The following USP40 variants were observed in gnomAD, a reference collection of about 807,000 sequenced individuals.
USP40 encodes ubiquitin specific peptidase 40, also known as ubiquitin carboxyl-terminal hydrolase 40.
Under a neutral mutation model 166.2 loss-of-function variants are expected in USP40, and 143 were observed. The ratio of observed to expected loss-of-function variants is 0.86; its 90% CI spans 0.75 to 0.99. The LOEUF (loss-of-function observed/expected upper bound fraction) is 0.99, where lower values mean the gene tolerates loss of function less well. Ranked by LOEUF, USP40 falls within the 50% of genes least tolerant of loss-of-function variation. The pLI is 0.00. For synonymous variants in USP40, 498 were observed against 524.0 expected (o/e 0.95, Z 0.68); for missense variants, 1,444 against 1,479.7 (o/e 0.98, Z 0.40).
Position 233,477,122 on chromosome 2 carries a change from T to C in USP40, c.*270A>G. 2.1e-6 allele frequency: 1 copy of C among 473,892 alleles called. No individual in the cohort carries two copies. The highest frequency in any genetic ancestry group is 3.9e-6 in the Non-Finnish European group (1 of 256,852). 29.4% of individuals were successfully genotyped at this position (473,892 alleles called of 1,614,324 possible). On this transcript the variant is annotated 3_prime_UTR_variant, in exon 32 of 32. Transcript: ENST00000678225. ...TGGTTAAAAGAAAAAAAAAGGCAGCTGGGGCCGGGTGCTGTGTGAGAGAGC... is the reference window on the plus strand; with the variant it reads ...TGGTTAAAAGAAAAAAAAAGGCAGCCGGGGCCGGGTGCTGTGTGAGAGAGC...
At chr2:233,523,934 C>A (rs547362256) in intron 15 of USP40, among the ~76,000 whole-genome samples, 1 of 152,126 alleles carries the variant, frequency 6.6e-6, no homozygotes, top group African/African-American at 2.4e-5. Flanking sequence ...GTTCTTCACA[C>A]GACGAGGGCC....
chr2:233,481,583 C>T, intron 30 of USP40: 1 of 439,412 alleles, frequency 2.3e-6, no homozygotes, highest in Non-Finnish European at 4.1e-6. Flanking sequence ...TAAAGGGCTA[C>T]CAGGCAACAT....
chr2:233,494,924 A>ATATATATATATATATATATATATT (rs2065593577), intron 24 of USP40, among the ~76,000 whole-genome samples: 1 of 30,272 alleles, frequency 3.3e-5, no homozygotes, highest in African/African-American at 2.9e-4. Context: ...GCATATATAT[A>ATATATATATATATATATATATATT]TATATATATA....
chr2:233,562,900 G>A (rs1225517568), intron 2 of USP40, 97 bp from the exon 3 acceptor site: 8 of 857,304 alleles, frequency 9.3e-6, no homozygotes, highest in Non-Finnish European at 1.2e-5. Flanking sequence ...AAATCAAGTA[G>A]ATTCAGAAAT....
At chr2:233,522,099 T>C (rs1056724825) in intron 16 of USP40, among the ~76,000 whole-genome samples, 5 of 152,182 alleles carry the variant, frequency 3.3e-5, no homozygotes, top group Non-Finnish European at 7.3e-5. Context: ...TAATGTCACA[T>C]AGATTACTAT....
rs532079676 is a variant in USP40, at chr2:233,527,353, C to T, written c.1725+54G>A. On this transcript the variant is annotated intron_variant, in intron 13 of 31. Coordinates refer to ENST00000678225, the MANE Select transcript of USP40 (RefSeq NM_001365479.2). ...TCCTAAACAGAATGAAATGGAGAGT[C>T]TAGCTGGAGATGGTGCTCGATGTCT... The T allele has an allele frequency of 5.7e-5, 89 of 1,570,584 alleles. 1 individual carries two copies. The South Asian group carries it at 9.6e-4, about 17-fold the overall frequency.
At chr2:233,559,958 TC>T (rs1483022448) in intron 3 of USP40, 34 bp from the exon 4 acceptor site, 1 of 1,504,908 alleles carries the variant, frequency 6.6e-7, no homozygotes, top group Non-Finnish European at 9.1e-7. Flanking sequence ...CTAAATGAAT[TC>T]TTTAAGTGTT....
intron 21 of USP40, among the ~76,000 whole-genome samples, chr2:233,509,499 TA>T (rs1324741454): frequency 6.6e-6 from 1 of 152,072 alleles, no homozygotes; most frequent in East Asian, 1.9e-4. Flanking sequence ...ATTTCTATAA[TA>T]AAAAACTATT....
chr2:233,551,815 C>T (rs1485532028), intron 6 of USP40, among the ~76,000 whole-genome samples: 2 of 152,182 alleles, frequency 1.3e-5, no homozygotes, highest in East Asian at 3.8e-4. Context: ...AATTTCTGGC[C>T]TTTCACCTTC....
rs1324803901 is a variant in USP40, at chr2:233,488,306, T to C, written c.3132-2A>G. 6.3e-7 allele frequency: 1 copy of C among 1,590,474 alleles called. No homozygotes were observed. The stretch of plus-strand genomic sequence containing the variant: ...ATTCTCCGTCCTAGTTTATATTCCC[T>C]GATAATAAGTGAAACAAGATAATAT... On this transcript the variant is annotated splice_acceptor_variant, in intron 27 of 31. Transcript: ENST00000678225. LOFTEE classifies it high-confidence loss of function.
At chr2:233,546,773 T>C (rs1048536696) in intron 8 of USP40, 7 of 152,100 alleles carry the variant, frequency 4.6e-5, no homozygotes, top group African/African-American at 1.7e-4. Flanking sequence ...TTTGATAAGA[T>C]AAGGGGAGTT....
chr2:233,528,444 G>A (rs1051246817), intron 12 of USP40, among the ~76,000 whole-genome samples: 5 of 152,192 alleles, frequency 3.3e-5, no homozygotes, highest in African/African-American at 1.2e-4. Context: ...GAGCTGGAAT[G>A]AGGCTTATCA....
Position 233,524,515 on chromosome 2 carries a change from T to C in USP40, c.1858A>G (p.Ile620Val). ...ACCTCCACCCCATTCCACACAAAGA[T>C]GTCTTCCCCATCAGCAATTTCAGTT... The part of the protein sequence containing the change: ...CETEIADGED[I>V]FVWNGVEVGG... The change falls in exon 15 of 32, where the codon ATC becomes GTC. Residue 620 changes from isoleucine to valine, a missense_variant. Ile to Val is a conservative substitution (Grantham distance 29). Transcript: ENST00000678225. 6.2e-7 allele frequency: 1 copy of C among 1,607,404 alleles called. No individual in the cohort carries two copies.
Position 233,533,672 on chromosome 2 carries a change from G to C in USP40, c.1278C>G (p.Asp426Glu). 4 of 1,613,628 alleles carry C rather than the reference G, an allele frequency of 2.5e-6. No individual in the cohort carries two copies. Among genetic ancestry groups the C allele is most frequent in the Non-Finnish European group, 2.5e-6 (3 of 1,179,782 alleles). ...LQAESDFQRN[D>E]QQIFKMLPPE... ...GAGGAAGCATCTTGAAAATTTGCTGGTCATTCCTTTGGAAATCAGACTCAG... is the reference window on the plus strand; with the variant it reads ...GAGGAAGCATCTTGAAAATTTGCTGCTCATTCCTTTGGAAATCAGACTCAG... The change falls in exon 11 of 32, where the codon GAC (aspartate) becomes GAG (glutamate). Residue 426 changes from aspartate to glutamate, a missense_variant. Asp to Glu is a conservative substitution (Grantham distance 45). Coordinates refer to ENST00000678225, the MANE Select transcript of USP40 (RefSeq NM_001365479.2).
intron 21 of USP40, among the ~76,000 whole-genome samples, chr2:233,502,173 C>A (rs2066116540): frequency 6.6e-6 from 1 of 152,112 alleles, no homozygotes; most frequent in Non-Finnish European, 1.5e-5. Context: ...CAACGGAGTA[C>A]AGAAAGGAAG....
chr2:233,524,617 C>T (rs1183324856), intron 14 of USP40, 55 bp from the exon 15 acceptor site: 1 of 1,352,398 alleles, frequency 7.4e-7, no homozygotes, highest in African/African-American at 1.5e-5. Context: ...AACAACTGAG[C>T]TAAAGAAAGA....
At chr2:233,529,968 T>G (rs1209726752) in intron 11 of USP40, among the ~76,000 whole-genome samples, 1 of 151,060 alleles carries the variant, frequency 6.6e-6, no homozygotes, top group Non-Finnish European at 1.5e-5. Flanking sequence ...CCTGGCTAAT[T>G]TTTGTATTTT....
chr2:233,493,338 A>G lies in USP40; in HGVS notation c.2917+87T>C. On this transcript the variant is annotated intron_variant, in intron 25 of 31. Transcript: ENST00000678225. This position sits in a 1 kb window ranked among gnomAD's most constrained non-coding sequence, Gnocchi z 4.7. ...TTCAAGATCTTACGTTTTAAAAATA[A>G]ATATATCAATTGACTCTCAGAGCAC... is the stretch of plus-strand genomic sequence containing the variant. 4 of 1,563,590 alleles carry G rather than the reference A, an allele frequency of 2.6e-6. No individual in the cohort carries two copies.
At chr2:233,516,125 G>GA (rs1346687465) in intron 18 of USP40, among the ~76,000 whole-genome samples, 8 of 151,646 alleles carry the variant, frequency 5.3e-5, no homozygotes, top group African/African-American at 1.7e-4. Context: ...CCCACTGGCT[G>GA]AAAAAAAACA....
Sources: gnomAD v4.1 joint callset for allele counts (sites outside exome capture counted in the v4.1 genomes callset) on GRCh38, gnomAD v4.1.1 for gene constraint, Gnocchi (gnomAD v3.1) non-coding constraint, MANE v1.5 for transcripts, NCBI Gene and HGNC (gene_info 2026-07-23, HGNC 2026-07-21) for gene names.